SYT1: variants seen among roughly 807,000 people sequenced by gnomAD.
The protein encoded by SYT1 is synaptotagmin 1.
A neutral mutation model predicts 44.8 loss-of-function variants in SYT1; 8 were observed. The observed-to-expected ratio is 0.18, with a 90% CI of 0.10 to 0.32. The LOEUF (loss-of-function observed/expected upper bound fraction) is 0.32, where lower values mean the gene tolerates loss of function less well. Ranked by LOEUF, SYT1 falls within the 10% of genes least tolerant of loss-of-function variation. The pLI is 1.00. For synonymous variants in SYT1, 154 were observed against 188.8 expected (o/e 0.82, Z 1.51); for missense variants, 286 against 509.3 (o/e 0.56, Z 4.22).
chr12:78,923,691 T>C (rs1219385728), intron 1 of SYT1, among the ~76,000 whole-genome samples: 8 of 146,620 alleles, frequency 5.5e-5, no homozygotes, highest in Middle Eastern at 3.2e-3. Flanking sequence ...CCCCCTTTCT[T>C]TCTCTCTCTC....
At chr12:79,429,728 A>G (rs975268471) in intron 9 of SYT1, among the ~76,000 whole-genome samples, 2 of 152,110 alleles carry the variant, frequency 1.3e-5, no homozygotes, top group Non-Finnish European at 2.9e-5. Flanking sequence ...ACGGGGTTTC[A>G]CCGTGTTAGC....
At chr12:78,943,930 A>C (rs1481086465) in intron 1 of SYT1, among the ~76,000 whole-genome samples, 1 of 152,198 alleles carries the variant, frequency 6.6e-6, no homozygotes, top group East Asian at 1.9e-4. Context: ...CTAAGTCAGA[A>C]GTTACAACTT....
intron 3 of SYT1, among the ~76,000 whole-genome samples, chr12:79,063,131 C>T (rs996638100): frequency 1.3e-5 from 2 of 152,170 alleles, no homozygotes; most frequent in African/African-American, 4.8e-5. Context: ...TTGCATTTCA[C>T]CTTAATCTTT....
intron 4 of SYT1, among the ~76,000 whole-genome samples, chr12:79,268,408 G>A (rs572618041): frequency 1.3e-5 from 2 of 152,260 alleles, no homozygotes; most frequent in South Asian, 4.2e-4. Context: ...GAATTAAGAT[G>A]ATATGTGGTA....
chr12:79,039,243 T>A (rs891825845), intron 2 of SYT1, among the ~76,000 whole-genome samples: 1 of 152,060 alleles, frequency 6.6e-6, no homozygotes, highest in African/African-American at 2.4e-5. Flanking sequence ...TAAAAAGTCA[T>A]CAGCTTTACC....
chr12:79,369,457 C>T (rs564638132), intron 9 of SYT1, among the ~76,000 whole-genome samples: 3 of 152,126 alleles, frequency 2.0e-5, no homozygotes, highest in African/African-American at 7.2e-5. Flanking sequence ...GGTGACAAAG[C>T]GAGACTCTGC....
intron 3 of SYT1, among the ~76,000 whole-genome samples, chr12:79,215,489 C>A (rs1190245186): frequency 1.3e-5 from 2 of 152,044 alleles, no homozygotes; most frequent in Non-Finnish European, 2.9e-5. Context: ...CCAATTCTAC[C>A]CTTTAGGATT....
intron 1 of SYT1, among the ~76,000 whole-genome samples, chr12:78,911,740 A>C (rs1876341825): frequency 6.6e-6 from 1 of 151,910 alleles, no homozygotes; most frequent in South Asian, 2.1e-4. Context: ...AGCCTCTCTG[A>C]GACTTTTTGG....
rs5799433 is a variant in SYT1 at position 79,449,923 on chromosome 12, C to CGTGTGTGTGTGTGTGTGTGTGTGT, written c.*811_*834dup. 6.9e-6 allele frequency: 1 copy of CGTGTGTGTGTGTGTGTGTGTGTGT among 145,894 alleles called. No homozygotes were observed. The highest frequency in any genetic ancestry group is 2.5e-5 in the African/African-American group (1 of 39,606). The allele number at this position is 145,894 out of a possible 1,614,324, so 9.0% of individuals were successfully genotyped here. ...CATATAGAATAACAACAAGGTGTTC[C>CGTGTGTGTGTGTGTGTGTGTGTGT]GTGTGTGTGTGTGTGTGTGTGTGTG... is the stretch of plus-strand genomic sequence containing the variant. On this transcript the variant is annotated 3_prime_UTR_variant, in exon 11 of 11. Coordinates refer to ENST00000261205, the MANE Select transcript of SYT1 (RefSeq NM_005639.3).
intron 9 of SYT1, among the ~76,000 whole-genome samples, chr12:79,425,295 C>T (rs1869384569): frequency 6.6e-6 from 1 of 152,072 alleles, no homozygotes; most frequent in Non-Finnish European, 1.5e-5. Context: ...GTTTAATAAA[C>T]CTGACCCCTC....
chr12:79,384,987 A>ATTT (rs3067387), intron 9 of SYT1, among the ~76,000 whole-genome samples: 4,556 of 129,842 alleles, frequency 0.035, 270 homozygotes, highest in Non-Finnish European at 0.052. Context: ...GGACCACTGG[A>ATTT]TTTTTTTTTT....
At chr12:78,926,802 A>G (rs1162427616) in intron 1 of SYT1, 1 of 152,080 alleles carries the variant, frequency 6.6e-6, no homozygotes, top group East Asian at 1.9e-4. Context: ...GTATATAGAA[A>G]CTTTCTTTGT....
intron 4 of SYT1, among the ~76,000 whole-genome samples, chr12:79,265,983 C>A (rs568383329): frequency 6.6e-6 from 1 of 152,256 alleles, no homozygotes; most frequent in East Asian, 1.9e-4. Context: ...GTAATGAACA[C>A]GTGCATACGT....
Position 78,970,551 on chromosome 12 carries a change from T to A in SYT1, c.-216-7248T>A, listed in dbSNP as rs116137920. On this transcript the variant is annotated intron_variant, in intron 1 of 10. Coordinates refer to ENST00000261205, the MANE Select transcript of SYT1 (RefSeq NM_005639.3). The stretch of plus-strand genomic sequence containing the variant: ...GACAGAGACATGTTTAAGAGCAAGG[T>A]CTTGAAGCGTGATAGCCAGGGTTCA... Among the ~76,000 whole-genome samples the A allele has an allele frequency of 1.1e-3, 169 of 152,242 alleles. 1 individual carries two copies. Among genetic ancestry groups the A allele is most frequent in the African/African-American group, 3.9e-3 (162 of 41,560 alleles).
chr12:79,284,653 T>G (rs1247213884), intron 4 of SYT1, among the ~76,000 whole-genome samples: 1 of 151,896 alleles, frequency 6.6e-6, no homozygotes, highest in African/African-American at 2.4e-5. Context: ...CTGGCCAACA[T>G]GGTGAAACCC....
At position 79,296,468 on chromosome 12, in the gene SYT1, A is replaced by G. The variant is rs982158662; in HGVS notation, c.642+232A>G. Among the ~76,000 whole-genome samples the G allele has an allele frequency of 5.3e-5, 8 of 152,318 alleles. No individual in the cohort carries two copies. The East Asian group carries it at 9.7e-4, about 18-fold the overall frequency. On this transcript the variant is annotated intron_variant, in intron 7 of 10. Coordinates refer to ENST00000261205, the MANE Select transcript of SYT1 (RefSeq NM_005639.3). Reference sequence around the variant, plus strand: ...ATTTCAGAATGGAATGGACTAGAACATGACTAGGATGTCATAGTCACATCT... The same window carrying G: ...ATTTCAGAATGGAATGGACTAGAACGTGACTAGGATGTCATAGTCACATCT...
rs147740286 is a variant in SYT1, at chr12:79,057,093, A to G, written c.-18+9731A>G. On this transcript the variant is annotated intron_variant, in intron 3 of 10. Transcript: ENST00000261205. ...TTCCTGTTTCAGCAGAAAGTAATTC[A>G]TAATAAGTATCTTAGCATTTTCCTC... 2.5e-3 allele frequency among the ~76,000 whole-genome samples: 384 copies of G among 152,192 alleles called. 2 individuals carry two copies. The highest frequency in any genetic ancestry group is 8.8e-3 in the African/African-American group (365 of 41,556).
At chr12:79,221,306 T>G (rs1284312423) in intron 4 of SYT1, among the ~76,000 whole-genome samples, 1 of 152,168 alleles carries the variant, frequency 6.6e-6, no homozygotes, top group Non-Finnish European at 1.5e-5. Flanking sequence ...ATTCTGTATG[T>G]CCTTACAGAT....
intron 8 of SYT1, among the ~76,000 whole-genome samples, chr12:79,326,087 C>T (rs73352963): frequency 2.0e-5 from 3 of 152,056 alleles, no homozygotes; most frequent in Non-Finnish European, 2.9e-5. Context: ...AAATGGAACA[C>T]ATTTTCTTGC....
Sources: allele counts gnomAD v4.1 joint callset (sites outside exome capture counted in the v4.1 genomes callset), GRCh38; gene constraint gnomAD v4.1.1; transcripts MANE v1.5; gene names NCBI Gene and HGNC (gene_info 2026-07-23, HGNC 2026-07-21).